RBMS3: variants seen among roughly 807,000 people sequenced by gnomAD.
RBMS3 encodes RNA-binding motif, single-stranded-interacting protein 3.
In RBMS3, 27 loss-of-function variants were observed where a neutral mutation model predicts 66.8. That is an observed-to-expected ratio of 0.40 (90% CI 0.30 to 0.56). The LOEUF (loss-of-function observed/expected upper bound fraction) is 0.56. Among genes scored for constraint, RBMS3 ranks in the 20% least tolerant of loss-of-function variants. The pLI is 0.40. For missense variants in RBMS3, 513 were observed against 549.5 expected (o/e 0.93, Z 0.66); for synonymous variants, 188 against 183.0 (o/e 1.03, Z -0.22).
chr3:29,306,838 T>C (rs761789100), intron 1 of RBMS3, among the ~76,000 whole-genome samples: 6 of 151,844 alleles, frequency 4.0e-5, no homozygotes, highest in Non-Finnish European at 8.8e-5. Context: ...CTACCTTCCA[T>C]GTTCTCCTCA....
At chr3:29,364,926 T>C (rs1412730205) in intron 1 of RBMS3, among the ~76,000 whole-genome samples, 4 of 152,294 alleles carry the variant, frequency 2.6e-5, no homozygotes, top group Admixed American at 6.5e-5. Flanking sequence ...CTAAAATAAT[T>C]TGTGGAGTTT....
intron 4 of RBMS3, among the ~76,000 whole-genome samples, chr3:29,656,694 T>C (rs927063747): frequency 2.6e-5 from 4 of 151,540 alleles, no homozygotes; most frequent in Non-Finnish European, 5.9e-5. Context: ...GTAGATACCT[T>C]AGGACACAAG....
At chr3:29,940,886 A>G (rs2061378729) in intron 11 of RBMS3, among the ~76,000 whole-genome samples, 1 of 151,818 alleles carries the variant, frequency 6.6e-6, no homozygotes, top group Admixed American at 6.6e-5. Flanking sequence ...CCCTTGATGG[A>G]ACCAAAGCCC....
chr3:29,803,877 A>G (rs2057462898), intron 6 of RBMS3, among the ~76,000 whole-genome samples: 1 of 152,086 alleles, frequency 6.6e-6, no homozygotes, highest in South Asian at 2.1e-4. Context: ...AGTAATTATA[A>G]AGAATTTAAT....
intron 12 of RBMS3, among the ~76,000 whole-genome samples, chr3:29,984,286 C>T (rs565995707): frequency 1.5e-3 from 222 of 151,910 alleles, no homozygotes; most frequent in African/African-American, 3.3e-3. Context: ...CTTTTTTAAA[C>T]GGGTTATTCT....
Position 30,003,934 on chromosome 3 carries a change from C to A in RBMS3, c.*72C>A. 7.8e-7 allele frequency: 1 copy of A among 1,283,432 alleles called. No homozygotes were observed. Among genetic ancestry groups the A allele is most frequent in the East Asian group, 2.6e-5 (1 of 39,068 alleles). 79.5% of individuals were successfully genotyped at this position (1,283,432 alleles called of 1,614,324 possible). A position where few individuals can be genotyped will look rare whatever the true frequency, so the allele number is the denominator to read the frequency against. On this transcript the variant is annotated 3_prime_UTR_variant, in exon 15 of 15. Coordinates refer to ENST00000383767, the MANE Select transcript of RBMS3 (RefSeq NM_001003793.3). ...ACTTCATTGAACAAGAAGTTGGCTT[C>A]CAGTTTGCACAGACGTCAATGGAAT...
intron 1 of RBMS3, among the ~76,000 whole-genome samples, chr3:29,392,714 G>A (rs2039356480): frequency 6.6e-6 from 1 of 151,942 alleles, no homozygotes; most frequent in Admixed American, 6.6e-5. Context: ...TAAACACACA[G>A]ACATACACAC....
At chr3:29,554,246 A>G (rs574494490) in intron 3 of RBMS3, among the ~76,000 whole-genome samples, 47 of 152,256 alleles carry the variant, frequency 3.1e-4, no homozygotes, top group Non-Finnish European at 6.3e-4. Context: ...TAATTTTAAT[A>G]GAAGCACAAG....
intron 1 of RBMS3, among the ~76,000 whole-genome samples, chr3:29,380,669 G>T (rs1168854366): frequency 3.3e-5 from 5 of 152,184 alleles, no homozygotes; most frequent in Admixed American, 3.3e-4. Context: ...AATAGGGCAG[G>T]TCAGTGAGGC....
At chr3:29,305,217 A>C (rs1375505063) in intron 1 of RBMS3, among the ~76,000 whole-genome samples, 1 of 151,968 alleles carries the variant, frequency 6.6e-6, no homozygotes, top group Non-Finnish European at 1.5e-5. Context: ...CTAGTTTAAA[A>C]GAATTCCCCA....
chr3:29,730,565 G>A (rs1460740625), intron 4 of RBMS3, among the ~76,000 whole-genome samples: 1 of 152,130 alleles, frequency 6.6e-6, no homozygotes, highest in Non-Finnish European at 1.5e-5. Flanking sequence ...ACCTATGGCT[G>A]TCTTCATGTC....
At chr3:29,817,668 G>T (rs551939325) in intron 6 of RBMS3, among the ~76,000 whole-genome samples, 39 of 152,074 alleles carry the variant, frequency 2.6e-4, no homozygotes, top group Non-Finnish European at 5.0e-4. Context: ...TGCTCAGCAT[G>T]CTTAATATAG....
At chr3:29,395,407 T>G (rs973521615) in intron 1 of RBMS3, among the ~76,000 whole-genome samples, 1 of 152,152 alleles carries the variant, frequency 6.6e-6, no homozygotes, top group Admixed American at 6.5e-5. Flanking sequence ...AAGAAATACT[T>G]AGGGTCAAAT....
chr3:29,581,445 G>A (rs1239653046), intron 3 of RBMS3, among the ~76,000 whole-genome samples: 3 of 152,086 alleles, frequency 2.0e-5, no homozygotes, highest in Non-Finnish European at 4.4e-5. Context: ...CAGGCAGCCT[G>A]CAAACCACCC....
At chr3:29,410,302 C>A (rs1264594541) in intron 1 of RBMS3, among the ~76,000 whole-genome samples, 1 of 152,232 alleles carries the variant, frequency 6.6e-6, no homozygotes, top group East Asian at 1.9e-4. Flanking sequence ...CACCTATTAG[C>A]ATTCACAATG....
intron 3 of RBMS3, among the ~76,000 whole-genome samples, chr3:29,542,422 G>C (rs960501144): frequency 6.6e-6 from 1 of 152,068 alleles, no homozygotes; most frequent in Admixed American, 6.6e-5. Flanking sequence ...GTACAATGGT[G>C]CAATCTCGGC....
At chr3:29,639,593 CAG>C (rs60712857) in intron 4 of RBMS3, among the ~76,000 whole-genome samples, 2,723 of 142,372 alleles carry the variant, frequency 0.019, 25 homozygotes, top group African/African-American at 0.034. Context: ...AGAAGATAGA[CAG>C]AGAGAGAGAG....
At chr3:29,857,198 A>T (rs1403513472) in intron 6 of RBMS3, among the ~76,000 whole-genome samples, 1 of 152,168 alleles carries the variant, frequency 6.6e-6, no homozygotes, top group Non-Finnish European at 1.5e-5. Context: ...CTAGCACAGG[A>T]AATATATGCT....
At chr3:29,418,469 C>T (rs1315521142) in intron 1 of RBMS3, among the ~76,000 whole-genome samples, 4 of 152,052 alleles carry the variant, frequency 2.6e-5, no homozygotes, top group African/African-American at 4.8e-5. Context: ...AGGAAATGTG[C>T]CTTTGCGTAT....
Sources: allele counts gnomAD v4.1 joint callset (sites outside exome capture counted in the v4.1 genomes callset), GRCh38; gene constraint gnomAD v4.1.1; transcripts MANE v1.5; gene names NCBI Gene and HGNC (gene_info 2026-07-23, HGNC 2026-07-21).